The following SHE variants were observed in gnomAD, a reference collection of about 807,000 sequenced individuals.
SHE encodes the protein SH2 domain-containing adapter protein E.
Under a neutral mutation model 49.8 loss-of-function variants are expected in SHE, and 11 were observed. The ratio of observed to expected loss-of-function variants is 0.22; its 90% CI spans 0.14 to 0.37. The LOEUF is 0.37. Ranked by LOEUF, SHE falls within the 10% of genes least tolerant of loss-of-function variation. The pLI, the probability that SHE is intolerant of heterozygous loss-of-function variation, is 1.00. For missense variants in SHE, 624 were observed against 655.5 expected, an observed-to-expected ratio of 0.95 and a Z score of 0.52; for synonymous variants, 310 against 278.1, an observed-to-expected ratio of 1.11 and a Z score of -1.14.
chr1:154,475,740 T>C (rs1691863846), downstream of SHE, among the ~76,000 whole-genome samples: 1 of 152,108 alleles, frequency 6.6e-6, no homozygotes, highest in Non-Finnish European at 1.5e-5. Context: ...AAGACAGTAA[T>C]TGTTGATGCT....
intron 2 of SHE, among the ~76,000 whole-genome samples, chr1:154,491,852 G>T (rs1571055975): frequency 6.6e-6 from 1 of 152,180 alleles, no homozygotes; most frequent in Non-Finnish European, 1.5e-5. Context: ...TTGAAAACGA[G>T]AGAGGATCAA....
In SHE at chr1:154,481,370, T is replaced by TATGTAA; in HGVS notation, c.*2773_*2778dup. The stretch of plus-strand genomic sequence containing the variant: ...GTACAACTGTAAAGCAACTGGACAA[T>TATGTAA]ATGTAAACTCTGCCTCTCCTCTACT... On this transcript the variant is annotated 3_prime_UTR_variant, in exon 6 of 6. Transcript: ENST00000304760. The TATGTAA allele has an allele frequency of 1.0e-6, 1 of 985,468 alleles. No individual in the cohort carries two copies. Among genetic ancestry groups the TATGTAA allele is most frequent in the Non-Finnish European group, 1.2e-6 (1 of 829,942 alleles). 61.0% of individuals were successfully genotyped at this position (985,468 alleles called of 1,614,324 possible).
chr1:154,488,352 A>T (rs1278250694), intron 3 of SHE, among the ~76,000 whole-genome samples: 1 of 151,152 alleles, frequency 6.6e-6, no homozygotes, highest in East Asian at 1.9e-4. Flanking sequence ...TCCACCTCCC[A>T]GGTTCAAGCT....
rs1268040443 is a variant in SHE at position 154,501,967 on chromosome 1, G to A, written c.60C>T (p.Ala20=). ...SACLGWASSL[A]CSTAPTLLGR... ...CCAGGAGCGTCGGGGCCGTGGAGCAGGCGAGCGAGGAAGCCCAGCCCAGAC... is the reference window on the plus strand; with the variant it reads ...CCAGGAGCGTCGGGGCCGTGGAGCAAGCGAGCGAGGAAGCCCAGCCCAGAC... Residue 20 remains alanine (A), a synonymous_variant, in exon 1 of 6, where the codon GCC becomes GCT. Coordinates refer to ENST00000304760, the MANE Select transcript of SHE (RefSeq NM_001010846.3). 4.9e-6 allele frequency: 7 copies of A among 1,426,566 alleles called. No homozygotes were observed. The highest frequency in any genetic ancestry group is 3.0e-5 in the African/African-American group (2 of 66,218). The allele number at this position is 1,426,566 out of a possible 1,614,324, so 88.4% of individuals were successfully genotyped here. A position where few individuals can be genotyped will look rare whatever the true frequency, so the allele number is the denominator to read the frequency against.
rs185050305 is a variant in SHE, at chr1:154,490,233, A to C, written c.719-877T>G. ...TAACTCCAGGATAAATCAAAGTAAA[A>C]GAAGTGTTATAGGGAAAACCAGTAA... On this transcript the variant is annotated intron_variant, in intron 2 of 5. Coordinates refer to ENST00000304760, the MANE Select transcript of SHE (RefSeq NM_001010846.3). Among the ~76,000 whole-genome samples, 424 of 152,378 alleles carry C rather than the reference A, an allele frequency of 2.8e-3. 2 individuals are homozygous for C. Among genetic ancestry groups the C allele is most frequent in the Middle Eastern group, 0.01 (3 of 294 alleles).
downstream of SHE, among the ~76,000 whole-genome samples, chr1:154,477,974 C>G (rs1691922449): frequency 6.6e-6 from 1 of 152,098 alleles, no homozygotes. Flanking sequence ...TCCCCAGCCC[C>G]TGGCAACTAC....
At chr1:154,496,343 G>T (rs541590201) in intron 2 of SHE, among the ~76,000 whole-genome samples, 1 of 152,218 alleles carries the variant, frequency 6.6e-6, no homozygotes, top group Non-Finnish European at 1.5e-5. Context: ...TATTAATTTT[G>T]TATTCCTAAA....
chr1:154,476,068 C>T (rs573753477), downstream of SHE, among the ~76,000 whole-genome samples: 35 of 152,220 alleles, frequency 2.3e-4, no homozygotes, highest in African/African-American at 6.5e-4. Flanking sequence ...CAGTCCAGGA[C>T]GGTGCAGTGG....
chr1:154,470,269 A>T lies in SHE; in HGVS notation c.*72T>A. On this transcript the variant is annotated 3_prime_UTR_variant, in exon 2 of 2. Coordinates refer to the SHE transcript ENST00000486773. ...AGTGGGCACTGGAGCCAGGACGTGGAGGGAGCTGCCTCCCTTTCTTCATGG... is the reference window on the plus strand; with the variant it reads ...AGTGGGCACTGGAGCCAGGACGTGGTGGGAGCTGCCTCCCTTTCTTCATGG... 1.6e-6 allele frequency: 2 copies of T among 1,275,178 alleles called. 1 individual carries two copies. 79.0% of individuals were successfully genotyped at this position (1,275,178 alleles called of 1,614,324 possible). A position where few individuals can be genotyped will look rare whatever the true frequency, so the allele number is the denominator to read the frequency against.
At chr1:154,488,689 C>T (rs943128183) in intron 3 of SHE, among the ~76,000 whole-genome samples, 8 of 152,168 alleles carry the variant, frequency 5.3e-5, no homozygotes, top group African/African-American at 1.7e-4. Flanking sequence ...TGAGTTCAAG[C>T]GATTCTCCTG....
intron 2 of SHE, among the ~76,000 whole-genome samples, chr1:154,497,488 A>G (rs1692568037): frequency 6.6e-6 from 1 of 152,214 alleles, no homozygotes; most frequent in Non-Finnish European, 1.5e-5. Context: ...AATCTATATT[A>G]TTTTTATTTA....
downstream of SHE, among the ~76,000 whole-genome samples, chr1:154,476,326 A>G (rs564612293): frequency 2.0e-5 from 3 of 152,274 alleles, no homozygotes; most frequent in South Asian, 6.2e-4. Context: ...TGCCTGGGAA[A>G]CAGAGAAGAC....
intron 1 of SHE, among the ~76,000 whole-genome samples, chr1:154,501,205 A>C (rs890186203): frequency 1.3e-5 from 2 of 152,230 alleles, no homozygotes; most frequent in Non-Finnish European, 2.9e-5. Context: ...AACAAAATTC[A>C]ATGGCTAGTA....
intron 5 of SHE, chr1:154,485,691 A>G (rs983535572): frequency 3.8e-5 from 15 of 399,586 alleles, no homozygotes; most frequent in Middle Eastern, 7.2e-4. Context: ...AATGTAAGGT[A>G]GACATTGACT....
chr1:154,494,374 GTTTTTTT>G (rs779645667), intron 2 of SHE, among the ~76,000 whole-genome samples: 4 of 118,752 alleles, frequency 3.4e-5, no homozygotes, highest in Non-Finnish European at 5.2e-5. Flanking sequence ...AGACATAACA[GTTTTTTT>G]TTTTTTTTTT....
At position 154,480,689 on chromosome 1, in the gene SHE, T is replaced by A; in HGVS notation, c.*3460A>T. 1.0e-6 allele frequency: 1 copy of A among 985,444 alleles called. No individual in the cohort carries two copies. The highest frequency in any genetic ancestry group is 1.2e-6 in the Non-Finnish European group (1 of 829,936). 61.0% of individuals were successfully genotyped at this position (985,444 alleles called of 1,614,324 possible). A position where few individuals can be genotyped will look rare whatever the true frequency, so the allele number is the denominator to read the frequency against. On this transcript the variant is annotated 3_prime_UTR_variant, in exon 6 of 6. Coordinates refer to ENST00000304760, the MANE Select transcript of SHE (RefSeq NM_001010846.3). Reference sequence around the variant, plus strand: ...TGCTTTGAATAACTTAAAATGACACTTCTGCCCCCAACAGAGAGTAGATAT... The same window carrying A: ...TGCTTTGAATAACTTAAAATGACACATCTGCCCCCAACAGAGAGTAGATAT...
At position 154,501,790 on chromosome 1, in the gene SHE, G is replaced by A; in HGVS notation, c.237C>T (p.Gly79=). 4 of 1,559,084 alleles carry A rather than the reference G, an allele frequency of 2.6e-6. No homozygotes were observed. Among genetic ancestry groups the A allele is most frequent in the South Asian group, 1.2e-5 (1 of 86,502 alleles). ...CGGCCGCCGAGTTCTTGCGGCCCTT[G>A]CCAGGACCCGGCCCAGCGCCGCCCG... is the stretch of plus-strand genomic sequence containing the variant. ...SEAGGAGPGP[G]KGRKNSAAEL... is the part of the protein sequence containing the mutation. The change falls in exon 1 of 6, where the codon GGC becomes GGT. Residue 79 remains glycine (G), a synonymous_variant. Transcript: ENST00000304760.
At chr1:154,498,428 T>TG (rs1279361566) in intron 2 of SHE, among the ~76,000 whole-genome samples, 2 of 141,432 alleles carry the variant, frequency 1.4e-5, no homozygotes, top group African/African-American at 5.3e-5. Context: ...GACAGGGTCT[T>TG]GCTTTGCTGC....
Position 154,480,453 on chromosome 1 carries a change from G to A in SHE, c.*3696C>T, listed in dbSNP as rs143134935. ...TATCAAGATGCATCCAGTAACAACA[G>A]CCAATAACAGACTAGTAACAGAGTT... is the stretch of plus-strand genomic sequence containing the variant. On this transcript the variant is annotated 3_prime_UTR_variant, in exon 6 of 6. Coordinates refer to ENST00000304760, the MANE Select transcript of SHE (RefSeq NM_001010846.3). 2 of 985,292 alleles carry A rather than the reference G, an allele frequency of 2.0e-6. No homozygotes were observed. Among genetic ancestry groups the A allele is most frequent in the Non-Finnish European group, 2.4e-6 (2 of 829,930 alleles). 61.0% of individuals were successfully genotyped at this position (985,292 alleles called of 1,614,324 possible).
Sources: gnomAD v4.1 joint callset for allele counts (sites outside exome capture counted in the v4.1 genomes callset) on GRCh38, gnomAD v4.1.1 for gene constraint, MANE v1.5 for transcripts, NCBI Gene and HGNC (gene_info 2026-07-23, HGNC 2026-07-21) for gene names.